Variants in ARHGEF26 observed in about 807,000 individuals in gnomAD.
ARHGEF26 encodes the protein Rho guanine nucleotide exchange factor (GEF) 26.
Under a neutral mutation model 89.4 loss-of-function variants are expected in ARHGEF26, and 59 were observed. The observed-to-expected ratio is 0.66, with a 90% confidence interval of 0.54 to 0.82. ARHGEF26 has a LOEUF of 0.82. ARHGEF26 is among the 40% of genes least tolerant of loss of function. The pLI, the probability that ARHGEF26 is intolerant of heterozygous loss-of-function variation, is 0.00. For synonymous variants in ARHGEF26, 500 were observed against 428.4 expected, an observed-to-expected ratio of 1.17 and a Z score of -2.06; for missense variants, 1,234 against 1,085.6, an observed-to-expected ratio of 1.14 and a Z score of -1.92.
intron 6 of ARHGEF26, among the ~76,000 whole-genome samples, chr3:154,154,581 C>T (rs1327028171): frequency 6.7e-6 from 1 of 149,606 alleles, no homozygotes; most frequent in African/African-American, 2.4e-5. Flanking sequence ...CATATAGATA[C>T]TCTTAAATAA....
chr3:154,207,776 G>A (rs912491912), intron 9 of ARHGEF26, among the ~76,000 whole-genome samples: 1 of 152,130 alleles, frequency 6.6e-6, no homozygotes, highest in African/African-American at 2.4e-5. Context: ...GAATCGTTCT[G>A]TTATAAAGAC....
chr3:154,122,217 G>A lies in ARHGEF26; in HGVS notation c.225G>A (p.Arg75=). 1 of 1,607,980 alleles carries A rather than the reference G, an allele frequency of 6.2e-7. No individual in the cohort carries two copies. The highest frequency in any genetic ancestry group is 1.7e-5 in the Admixed American group (1 of 59,180). ...PAQVPTASDS[R]TVHRSPLLLG... ...AGGTGCCCACCGCCTCGGACAGCAG[G>A]ACGGTACATAGGAGCCCCCTGCTTC... The change falls in exon 2 of 15, where the codon AGG becomes AGA. Residue 75 remains arginine, a synonymous_variant. Coordinates refer to ENST00000465093, the MANE Select transcript of ARHGEF26 (RefSeq NM_015595.4).
chr3:154,223,508 G>A (rs561107725), intron 10 of ARHGEF26, among the ~76,000 whole-genome samples: 2 of 152,266 alleles, frequency 1.3e-5, no homozygotes, highest in African/African-American at 4.8e-5. Context: ...AAAATATTTA[G>A]GCACAGAAAG....
chr3:154,126,304 C>T (rs191725156), intron 3 of ARHGEF26, among the ~76,000 whole-genome samples: 19 of 152,152 alleles, frequency 1.2e-4, no homozygotes, highest in African/African-American at 4.3e-4. Context: ...TCAAAATGCC[C>T]CAAACCAAAC....
intron 4 of ARHGEF26, among the ~76,000 whole-genome samples, chr3:154,140,506 T>G (rs1203438467): frequency 6.6e-6 from 1 of 152,118 alleles, no homozygotes; most frequent in African/African-American, 2.4e-5. Flanking sequence ...CTTTTTTTTC[T>G]TCTCATAAAT....
intron 10 of ARHGEF26, among the ~76,000 whole-genome samples, chr3:154,225,595 A>G (rs116329089): frequency 0.011 from 1,635 of 152,296 alleles, 24 homozygotes; most frequent in African/African-American, 0.037. Context: ...TATTGATCCA[A>G]TAACATTTTC....
chr3:154,202,849 G>T (rs1276012592), intron 9 of ARHGEF26, among the ~76,000 whole-genome samples: 1 of 151,556 alleles, frequency 6.6e-6, no homozygotes, highest in Admixed American at 6.6e-5. Context: ...CATTGATTTT[G>T]TATCCTGAGA....
Position 154,152,794 on chromosome 3 carries a change from C to T in ARHGEF26, c.1349C>T (p.Ser450Phe). ...CAGGCTATCTTTGAAGTCATATCCT[C>T]TGAACATTCATATTTACTCAGCTTG... ...RQEAIFEVISSEHSYLLSLEI... is the reference protein window; with the variant it reads ...RQEAIFEVISFEHSYLLSLEI... Residue 450 changes from serine (S) to phenylalanine (F), a missense_variant, in exon 6 of 15, where the codon TCT (serine) becomes TTT (phenylalanine). Coordinates refer to ENST00000465093, the MANE Select transcript of ARHGEF26 (RefSeq NM_015595.4). The T allele has an allele frequency of 6.5e-7, 1 of 1,546,130 alleles. No individual in the cohort carries two copies. The highest frequency in any genetic ancestry group is 8.7e-7 in the Non-Finnish European group (1 of 1,144,434).
At chr3:154,214,142 C>T (rs1359187440) in intron 9 of ARHGEF26, among the ~76,000 whole-genome samples, 1 of 152,102 alleles carries the variant, frequency 6.6e-6, no homozygotes, top group Non-Finnish European at 1.5e-5. Flanking sequence ...CACATGGGAG[C>T]AGTGAGAGGT....
At chr3:154,137,887 AT>A (rs1719113105) in intron 4 of ARHGEF26, among the ~76,000 whole-genome samples, 1 of 151,934 alleles carries the variant, frequency 6.6e-6, no homozygotes, top group Non-Finnish European at 1.5e-5. Flanking sequence ...TCTTTTGGTC[AT>A]TTGTGCAATC....
At chr3:154,208,922 T>C (rs1308095625) in intron 9 of ARHGEF26, among the ~76,000 whole-genome samples, 4 of 151,890 alleles carry the variant, frequency 2.6e-5, no homozygotes, top group East Asian at 1.9e-4. Flanking sequence ...CATACCACCA[T>C]GCCTGGCTAA....
intron 6 of ARHGEF26, among the ~76,000 whole-genome samples, chr3:154,179,297 G>T (rs953897747): frequency 3.3e-5 from 5 of 152,192 alleles, no homozygotes; most frequent in African/African-American, 1.2e-4. Context: ...CAACACATTG[G>T]CTGGGCACAA....
At chr3:154,196,337 A>G (rs1714289942) in intron 9 of ARHGEF26, among the ~76,000 whole-genome samples, 1 of 152,166 alleles carries the variant, frequency 6.6e-6, no homozygotes, top group East Asian at 1.9e-4. Flanking sequence ...GAAGCAATAG[A>G]AGGTGTAGGT....
intron 6 of ARHGEF26, among the ~76,000 whole-genome samples, chr3:154,166,294 C>G (rs1161281456): frequency 6.6e-6 from 1 of 152,186 alleles, no homozygotes; most frequent in East Asian, 1.9e-4. Flanking sequence ...TCATGATCCG[C>G]CCGCCTTGGC....
intron 3 of ARHGEF26, among the ~76,000 whole-genome samples, chr3:154,129,373 C>T (rs1560040799): frequency 6.6e-6 from 1 of 152,178 alleles, no homozygotes. Context: ...GGCTGGTCCC[C>T]TTCCCCTGCA....
chr3:154,156,315 G>A (rs546465444), intron 6 of ARHGEF26, among the ~76,000 whole-genome samples: 1 of 151,992 alleles, frequency 6.6e-6, no homozygotes, highest in South Asian at 2.1e-4. Context: ...TTCATTTAAG[G>A]TTTTATTAAA....
chr3:154,198,715 G>C (rs77378063), intron 9 of ARHGEF26, among the ~76,000 whole-genome samples: 1 of 152,110 alleles, frequency 6.6e-6, no homozygotes, highest in South Asian at 2.1e-4. Flanking sequence ...TATGGACTAT[G>C]GGGACTTGGG....
chr3:154,206,226 G>A (rs1214665018), intron 9 of ARHGEF26, among the ~76,000 whole-genome samples: 1 of 152,140 alleles, frequency 6.6e-6, no homozygotes, highest in African/African-American at 2.4e-5. Context: ...CTCCTGGCCT[G>A]TAAGCTTTCC....
At chr3:154,190,167 G>GT (rs1713866525) in intron 7 of ARHGEF26, among the ~76,000 whole-genome samples, 1 of 152,190 alleles carries the variant, frequency 6.6e-6, no homozygotes, top group African/African-American at 2.4e-5. Flanking sequence ...ATGAAGTGAG[G>GT]TAAGAGAGTG....
Sources: gnomAD v4.1 joint callset for allele counts (sites outside exome capture counted in the v4.1 genomes callset) on GRCh38, gnomAD v4.1.1 for gene constraint, MANE v1.5 for transcripts, NCBI Gene and HGNC (gene_info 2026-07-23, HGNC 2026-07-21) for gene names.